PCDHA9: variants seen among roughly 807,000 people sequenced by gnomAD.
PCDHA9 encodes protocadherin alpha 9.
PCDHA9 carries 62 observed loss-of-function variants against 62.0 expected under a neutral mutation model. The observed-to-expected ratio is 1.00, with a 90% CI of 0.81 to 1.23. The LOEUF (loss-of-function observed/expected upper bound fraction) is 1.23. PCDHA9 is among the 50% of genes most tolerant of loss of function. The pLI, the probability that PCDHA9 is intolerant of heterozygous loss-of-function variation, is 0.00. For missense variants in PCDHA9, 1,205 were observed against 1,249.8 expected (o/e 0.96, Z 0.54); for synonymous variants, 557 against 567.6 (o/e 0.98, Z 0.27).
chr5:140,863,538 T>C (rs187152479), intron 1 of PCDHA9: 1 of 386,422 alleles, frequency 2.6e-6, no homozygotes, highest in Non-Finnish European at 5.0e-6. Flanking sequence ...ATTTTGGAGA[T>C]GGACTTCAAT....
At chr5:140,933,043 TTACAG>T (rs2088815102) in intron 1 of PCDHA9, among the ~76,000 whole-genome samples, 1 of 151,992 alleles carries the variant, frequency 6.6e-6, no homozygotes, top group Admixed American at 6.5e-5. Flanking sequence ...TGAATATGGA[TTACAG>T]TCCAGGATCC....
chr5:140,922,176 CAA>C lies in PCDHA9; in HGVS notation c.2395-56765_2395-56764del, dbSNP rs3836750. ...CAAAAACAACAAAAAGTACAGCAGACAAAAAAAAAGTCTTATCTTTAATGAAA... is the reference window on the plus strand; with the variant it reads ...CAAAAACAACAAAAAGTACAGCAGACAAAAAAAGTCTTATCTTTAATGAAA... On this transcript the variant is annotated intron_variant, in intron 1 of 3. Coordinates refer to ENST00000532602, the MANE Select transcript of PCDHA9 (RefSeq NM_031857.2). 2.6e-3 allele frequency among the ~76,000 whole-genome samples: 394 copies of C among 150,816 alleles called. 1 individual carries two copies. The highest frequency in any genetic ancestry group is 9.1e-3 in the African/African-American group (376 of 41,132).
chr5:140,902,563 G>C (rs1472097639), intron 1 of PCDHA9, among the ~76,000 whole-genome samples: 2 of 151,808 alleles, frequency 1.3e-5, no homozygotes, highest in African/African-American at 4.8e-5. Context: ...GATTTTTGAG[G>C]GTTTTTAAGA....
chr5:140,882,856 G>A (rs1352769264), intron 1 of PCDHA9: 1 of 1,614,098 alleles, frequency 6.2e-7, no homozygotes, highest in African/African-American at 1.3e-5. Context: ...CACTTGTACT[G>A]AGGAAAACAC....
rs372854727 is a variant in PCDHA9 at position 140,857,673 on chromosome 5, C to A, written c.2394+6784C>A. On this transcript the variant is annotated intron_variant, in intron 1 of 3. Transcript: ENST00000532602. Reference sequence around the variant, plus strand: ...GTGAGCGCGCGCGATGGGGGCGTGCCGCCTCTGGGCAGCAACTTGACGCTG... The same window carrying A: ...GTGAGCGCGCGCGATGGGGGCGTGCAGCCTCTGGGCAGCAACTTGACGCTG... 2.5e-6 allele frequency: 4 copies of A among 1,596,826 alleles called. 1 individual carries two copies. The highest frequency in any genetic ancestry group is 3.4e-6 in the Non-Finnish European group (4 of 1,167,768).
intron 1 of PCDHA9, chr5:140,883,163 A>C: frequency 6.2e-7 from 1 of 1,614,068 alleles, no homozygotes; most frequent in South Asian, 1.1e-5. Context: ...AAATCCGAAC[A>C]ATGGAGAAAT....
intron 1 of PCDHA9, chr5:140,870,593 G>A (rs991131905): frequency 6.2e-7 from 1 of 1,613,572 alleles, no homozygotes; most frequent in Non-Finnish European, 8.5e-7. Flanking sequence ...GTGGAGCGGC[G>A]GTTGGGCGAC....
At chr5:140,957,398 T>A (rs1162675184) in intron 1 of PCDHA9, among the ~76,000 whole-genome samples, 1 of 152,186 alleles carries the variant, frequency 6.6e-6, no homozygotes, top group Non-Finnish European at 1.5e-5. Flanking sequence ...ATTGTCCTAA[T>A]TTATTATTAT....
intron 1 of PCDHA9, chr5:140,882,203 T>C: frequency 6.5e-7 from 1 of 1,530,090 alleles, no homozygotes; most frequent in East Asian, 2.3e-5. Context: ...AATTGGGCCT[T>C]GAGAGACAGT....
intron 1 of PCDHA9, chr5:140,867,891 G>C (rs1468636250): frequency 1.3e-5 from 2 of 152,016 alleles, no homozygotes; most frequent in African/African-American, 4.8e-5. Flanking sequence ...CACAATATCA[G>C]GTACTTACAG....
At chr5:140,889,160 A>T (rs1582978614) in intron 1 of PCDHA9, among the ~76,000 whole-genome samples, 1 of 151,778 alleles carries the variant, frequency 6.6e-6, no homozygotes, top group Middle Eastern at 3.4e-3. Context: ...TTCTTTGTTA[A>T]GTATTCAAGT....
intron 1 of PCDHA9, among the ~76,000 whole-genome samples, chr5:140,938,353 C>G (rs2092034112): frequency 6.6e-6 from 1 of 152,138 alleles, no homozygotes; most frequent in Admixed American, 6.5e-5. Flanking sequence ...TGTCTTATTC[C>G]TGGTCTCAGA....
intron 1 of PCDHA9, among the ~76,000 whole-genome samples, chr5:140,936,658 G>A (rs1385566642): frequency 6.6e-6 from 1 of 152,174 alleles, no homozygotes; most frequent in Non-Finnish European, 1.5e-5. Context: ...TATATATTCT[G>A]TTTCTGGACT....
intron 1 of PCDHA9, chr5:140,855,863 C>T (rs1435848910): frequency 2.6e-6 from 2 of 763,574 alleles, no homozygotes; most frequent in East Asian, 2.7e-5. Context: ...ATGTCGCTGT[C>T]GTCCACAAAA....
At chr5:140,863,357 G>A (rs1320011614) in intron 1 of PCDHA9, 2 of 1,259,586 alleles carry the variant, frequency 1.6e-6, no homozygotes, top group South Asian at 1.2e-5. Context: ...ACGACGCTGC[G>A]GTGCTTGGCG....
chr5:140,877,917 TTTC>T, intron 1 of PCDHA9: 2 of 1,427,712 alleles, frequency 1.4e-6, no homozygotes, highest in East Asian at 5.0e-5. Flanking sequence ...TTCTCTCATT[TTTC>T]TTTATGATTC....
intron 1 of PCDHA9, chr5:140,862,937 A>G: frequency 1.8e-6 from 1 of 544,138 alleles, no homozygotes; most frequent in Non-Finnish European, 3.6e-6. Flanking sequence ...CGGCGCTGTG[A>G]GTGAGCTGGT....
At position 140,928,140 on chromosome 5, in the gene PCDHA9, G is replaced by A. The variant is rs200493520; in HGVS notation, c.2395-50809G>A. On this transcript the variant is annotated intron_variant, in intron 1 of 3. Coordinates refer to ENST00000532602, the MANE Select transcript of PCDHA9 (RefSeq NM_031857.2). The stretch of plus-strand genomic sequence containing the variant: ...TCAGTGAATACCAAGTCCTGATCAC[G>A]GCCTCAGATAGTGGCTCACCCCCAC... The A allele has an allele frequency of 2.7e-5, 43 of 1,614,036 alleles. 1 individual carries two copies. The South Asian group carries it at 4.2e-4, about 16-fold the overall frequency.
chr5:140,850,680 G>A lies in PCDHA9; in HGVS notation c.2185G>A (p.Glu729Lys), dbSNP rs2150493615. 22 of 1,598,518 alleles carry A rather than the reference G, an allele frequency of 1.4e-5. 2 individuals carry two copies. In the East Asian group the frequency reaches 4.5e-4, roughly 32 times the overall value. ...GCTGCGGTGCTCGGCGATGCCCACC[G>A]AGGGCGAGTGCGCGCCTGGCAAGCC... ...TVLRCSAMPT[E>K]GECAPGKPTL... Residue 729 changes from glutamate to lysine, a missense_variant, in exon 1 of 4, where the codon GAG becomes AAG. Glu to Lys is a moderately conservative substitution (Grantham distance 56). Transcript: ENST00000532602.
Sources: allele counts gnomAD v4.1 joint callset (sites outside exome capture counted in the v4.1 genomes callset), GRCh38; gene constraint gnomAD v4.1.1; transcripts MANE v1.5; gene names NCBI Gene and HGNC (gene_info 2026-07-23, HGNC 2026-07-21).